The following OVGP1 variants were observed in gnomAD, a reference collection of about 807,000 sequenced individuals.
OVGP1 encodes oviductal glycoprotein 1.
A neutral mutation model predicts 48.2 loss-of-function variants in OVGP1; 26 were observed. The observed-to-expected ratio is 0.54, with a 90% CI of 0.40 to 0.75. OVGP1 has a LOEUF of 0.75. Ranked by LOEUF, OVGP1 falls within the 30% of genes least tolerant of loss-of-function variation. The pLI is 0.00. For synonymous variants in OVGP1, 294 were observed against 305.7 expected, an observed-to-expected ratio of 0.96 and a Z score of 0.40; for missense variants, 791 against 820.6, an observed-to-expected ratio of 0.96 and a Z score of 0.44.
chr1:111,424,265 G>A (rs1652345504), intron 4 of OVGP1, among the ~76,000 whole-genome samples: 2 of 152,196 alleles, frequency 1.3e-5, no homozygotes, highest in Non-Finnish European at 2.9e-5. Context: ...TCCTGATCCT[G>A]TGTTCTTTTG....
At chr1:111,420,775 T>C (rs1652248508) in intron 8 of OVGP1, among the ~76,000 whole-genome samples, 1 of 152,050 alleles carries the variant, frequency 6.6e-6, no homozygotes, top group Admixed American at 6.5e-5. Flanking sequence ...AGAAAGAACC[T>C]GTAGTAGATA....
In OVGP1 at chr1:111,426,566, T is replaced by C. The variant is rs1013543130; in HGVS notation, c.131A>G (p.His44Arg). Reference sequence around the variant, plus strand: ...GGTGCAGAGAAAGGGGTCCAGGTCATGGGGCAAGATCGAGGCAGGGCCTGG... The same window carrying C: ...GGTGCAGAGAAAGGGGTCCAGGTCACGGGGCAAGATCGAGGCAGGGCCTGG... ...SRPGPASILP[H>R]DLDPFLCTHL... The change falls in exon 3 of 11, where the codon CAT (histidine) becomes CGT (arginine). Residue 44 changes from histidine to arginine, a missense_variant. Physicochemically the swap from His to Arg is conservative, Grantham distance 29 (BLOSUM62 0). Transcript: ENST00000369732. The C allele has an allele frequency of 2.3e-5, 37 of 1,613,964 alleles. No homozygotes were observed. Among genetic ancestry groups the C allele is most frequent in the Non-Finnish European group, 3.0e-5 (35 of 1,180,014 alleles).
intron 8 of OVGP1, among the ~76,000 whole-genome samples, chr1:111,420,826 G>T (rs1172024694): frequency 6.6e-6 from 1 of 152,162 alleles, no homozygotes; most frequent in Non-Finnish European, 1.5e-5. Context: ...TAGTAGGGAG[G>T]GAGGGAGCCA....
chr1:111,425,482 C>G, intron 3 of OVGP1, 43 bp from the exon 4 acceptor site: 1 of 1,613,452 alleles, frequency 6.2e-7, no homozygotes, highest in South Asian at 1.1e-5. Context: ...GTTCTTCACT[C>G]CGGTGGGCAG....
intron 9 of OVGP1, among the ~76,000 whole-genome samples, chr1:111,418,130 A>G (rs1325860433): frequency 1.3e-5 from 2 of 152,166 alleles, no homozygotes; most frequent in East Asian, 3.8e-4. Context: ...GGTCTCTTTT[A>G]GCTCTGATAT....
At chr1:111,427,432 T>G (rs890588303) in intron 1 of OVGP1, 1 of 921,712 alleles carries the variant, frequency 1.1e-6, no homozygotes. Context: ...TGGCTGGTCA[T>G]GCAGAGATTC....
rs770797286 is a variant in OVGP1, at chr1:111,427,118, A to G, written c.26-27T>C. 19 of 1,614,046 alleles carry G rather than the reference A, an allele frequency of 1.2e-5. No individual in the cohort carries two copies. In the East Asian group the frequency reaches 4.2e-4, roughly 36 times the overall value. ...TGTGAGAAACAAAGGAAGGAGTCAC[A>G]CAGAGATTCATACCCTCACCAGAGT... is the stretch of plus-strand genomic sequence containing the variant. On this transcript the variant is annotated intron_variant, in intron 1 of 10. Transcript: ENST00000369732.
In OVGP1 at chr1:111,414,333, GT is replaced by G. The variant is rs1448737722; in HGVS notation, c.*130del. 2 of 754,906 alleles carry G rather than the reference GT, an allele frequency of 2.6e-6. No homozygotes were observed. Among genetic ancestry groups the G allele is most frequent in the Non-Finnish European group, 4.3e-6 (2 of 465,070 alleles). The allele number at this position is 754,906 out of a possible 1,614,324, so 46.8% of individuals were successfully genotyped here. A position where few individuals can be genotyped will look rare whatever the true frequency, so the allele number is the denominator to read the frequency against. ...AACTCGGTGGGTTCTTGTGTTTACA[GT>G]TTATTTAATGGAAAAGAGATTGGCC... On this transcript the variant is annotated 3_prime_UTR_variant, in exon 11 of 11. Transcript: ENST00000369732.
chr1:111,425,464 T>G, intron 3 of OVGP1, 25 bp from the exon 4 acceptor site: 1 of 1,613,974 alleles, frequency 6.2e-7, no homozygotes, highest in African/African-American at 1.3e-5. Context: ...AGAGGGTTGA[T>G]GAGCTGGGTT....
chr1:111,416,362 G>A lies in OVGP1; in HGVS notation c.1117C>T (p.Pro373Ser), dbSNP rs780318461. 1.2e-6 allele frequency: 2 copies of A among 1,606,286 alleles called. No homozygotes were observed. Among genetic ancestry groups the A allele is most frequent in the Non-Finnish European group, 1.7e-6 (2 of 1,176,128 alleles). The change falls in exon 10 of 11, where the codon CCC (proline) becomes TCC (serine). Residue 373 changes from proline (P) to serine (S), a missense_variant. Coordinates refer to ENST00000369732, the MANE Select transcript of OVGP1 (RefSeq NM_002557.4). ...ATATCATTCAATACGTAGACAAGGG[G>A]GAAAGGGCCAGTGCCACAGAACGTG... ...RGTFCGTGPF[P>S]LVYVLNDILV...
rs752082997 is a variant in OVGP1 at position 111,419,714 on chromosome 1, C to A, written c.916G>T (p.Val306Phe). ...FLAYFEICSF[V>F]WGAKKHWIDY... ...ATCCAGTGCTTCTTCGCTCCCCAGA[C>A]AAAGGAACAAATCTGCCAAGAGGAC... The change falls in exon 9 of 11, where the codon GTC becomes TTC. Residue 306 changes from valine to phenylalanine, a missense_variant. By Grantham distance (50) the Val-to-Phe change is conservative (BLOSUM62 -1). Transcript: ENST00000369732. The A allele has an allele frequency of 2.5e-6, 4 of 1,609,554 alleles. No homozygotes were observed. The highest frequency in any genetic ancestry group is 3.3e-5 in the Admixed American group (2 of 60,008).
rs755291577 is a variant in OVGP1 at position 111,414,625 on chromosome 1, G to A, written c.1876C>T (p.Pro626Ser). ...AENRMMLSSS[P>S]VIQLPEQTPL... is the part of the protein sequence containing the mutation. ...GTTTGTTCCGGGAGCTGGATGACGG[G>A]GCTGGAGGACAGCATCATCCTGTTT... Residue 626 changes from proline to serine, a missense_variant, in exon 11 of 11, where the codon CCC becomes TCC. Transcript: ENST00000369732. 1.7e-5 allele frequency: 28 copies of A among 1,614,034 alleles called. 1 individual carries two copies. Among genetic ancestry groups the A allele is most frequent in the Admixed American group, 3.3e-5 (2 of 59,996 alleles).
chr1:111,425,303 G>A lies in OVGP1; in HGVS notation c.317+80C>T, dbSNP rs374791278. Reference sequence around the variant, plus strand: ...CTAGCTTTGCTGTCCGCATGGCCAAGCTGCCTTCCCCCTCTGTCTTCACGT... The same window carrying A: ...CTAGCTTTGCTGTCCGCATGGCCAAACTGCCTTCCCCCTCTGTCTTCACGT... On this transcript the variant is annotated intron_variant, in intron 4 of 10. Coordinates refer to ENST00000369732, the MANE Select transcript of OVGP1 (RefSeq NM_002557.4). The A allele has an allele frequency of 1.9e-5, 29 of 1,550,308 alleles. No homozygotes were observed. In the African/African-American group the frequency reaches 3.3e-4, roughly 18 times the overall value.
rs759700928 is a variant in OVGP1, at chr1:111,426,473, T to C, written c.224A>G (p.Lys75Arg). 37 of 1,614,040 alleles carry C rather than the reference T, an allele frequency of 2.3e-5. No homozygotes were observed. The highest frequency in any genetic ancestry group is 3.1e-5 in the Non-Finnish European group (36 of 1,180,022). The change falls in exon 3 of 11, where the codon AAA becomes AGA. Residue 75 changes from lysine to arginine, a missense_variant. Physicochemically the swap from Lys to Arg is conservative, Grantham distance 26. Coordinates refer to ENST00000369732, the MANE Select transcript of OVGP1 (RefSeq NM_002557.4). Reference protein sequence around the residue: ...QIVAKDLQDEKILYPEFNKLK... With the variant: ...QIVAKDLQDERILYPEFNKLK... ...TTTGTTGAACTCTGGGTAGAGAATTTTCTCATCCTGGAGATCCTTAGCAAC... is the reference window on the plus strand; with the variant it reads ...TTTGTTGAACTCTGGGTAGAGAATTCTCTCATCCTGGAGATCCTTAGCAAC...
At chr1:111,420,354 A>G (rs771618144) in intron 8 of OVGP1, among the ~76,000 whole-genome samples, 7 of 152,198 alleles carry the variant, frequency 4.6e-5, no homozygotes, top group Non-Finnish European at 5.9e-5. Context: ...CTGTCTATCA[A>G]AGCTTCTTTG....
In OVGP1 at chr1:111,414,722, T is replaced by A. The variant is rs1167995177; in HGVS notation, c.1779A>T (p.Arg593Ser). ...VTPEGQTMPL[R>S]GENLTSEVGT... The stretch of plus-strand genomic sequence containing the variant: ...CCACCTCAGAAGTCAAATTCTCCCC[T>A]CTTAAAGGCATAGTCTGCCCTTCAG... The change falls in exon 11 of 11, where the codon AGA becomes AGT. Residue 593 changes from arginine to serine, a missense_variant. Transcript: ENST00000369732. 1.2e-6 allele frequency: 2 copies of A among 1,613,734 alleles called. No individual in the cohort carries two copies. The highest frequency in any genetic ancestry group is 1.7e-5 in the Admixed American group (1 of 60,014).
chr1:111,415,014 G>C lies in OVGP1; in HGVS notation c.1487C>G (p.Pro496Arg). 6.2e-7 allele frequency: 1 copy of C among 1,612,064 alleles called. No individual in the cohort carries two copies. Among genetic ancestry groups the C allele is most frequent in the Non-Finnish European group, 8.5e-7 (1 of 1,178,450 alleles). Reference protein sequence around the residue: ...SMTPGEKALTPVGHQSVTTGQ... With the variant: ...SMTPGEKALTRVGHQSVTTGQ... ...AGTGGTCACAGATTGATGACCCACA[G>C]GGGTCAGGGCCTTCTCTCCAGGGGT... The change falls in exon 11 of 11, where the codon CCT (proline) becomes CGT (arginine). Residue 496 changes from proline (P) to arginine (R), a missense_variant. Physicochemically the swap from Pro to Arg is moderately radical, Grantham distance 103 (BLOSUM62 -2). Coordinates refer to ENST00000369732, the MANE Select transcript of OVGP1 (RefSeq NM_002557.4).
At chr1:111,423,153 C>A in intron 5 of OVGP1, 102 bp from the exon 6 acceptor site, 1 of 1,450,242 alleles carries the variant, frequency 6.9e-7, no homozygotes, top group South Asian at 1.2e-5. Context: ...CTGAGCCAGG[C>A]TCTGGGACAC....
At chr1:111,424,978 T>C (rs1652361715) in intron 4 of OVGP1, among the ~76,000 whole-genome samples, 1 of 152,216 alleles carries the variant, frequency 6.6e-6, no homozygotes, top group South Asian at 2.1e-4. Context: ...TTTCCTTTCC[T>C]CTGTTCCAAC....
Sources: allele counts gnomAD v4.1 joint callset (sites outside exome capture counted in the v4.1 genomes callset), GRCh38; gene constraint gnomAD v4.1.1; transcripts MANE v1.5; gene names NCBI Gene and HGNC (gene_info 2026-07-23, HGNC 2026-07-21).